TSHZ2: variants seen among roughly 807,000 people sequenced by gnomAD.
TSHZ2 encodes teashirt homolog 2.
Under a neutral mutation model 74.4 loss-of-function variants are expected in TSHZ2, and 21 were observed. The observed-to-expected ratio is 0.28, with a 90% CI of 0.20 to 0.41. The LOEUF is 0.41. TSHZ2 is among the 10% of genes least tolerant of loss of function. TSHZ2 has a pLI of 1.00. For missense variants in TSHZ2, 1,244 were observed against 1,293.5 expected (o/e 0.96, Z 0.59); for synonymous variants, 540 against 515.3 (o/e 1.05, Z -0.65).
intron 1 of TSHZ2, among the ~76,000 whole-genome samples, chr20:52,981,295 G>A (rs929011325): frequency 6.6e-5 from 10 of 152,144 alleles, no homozygotes; most frequent in African/African-American, 2.2e-4. Context: ...GTGAGTTTTT[G>A]GAGTCAGACT....
At position 53,375,947 on chromosome 20, in the gene TSHZ2, C is replaced by G. The variant is rs1462079093; in HGVS notation, c.*9-111197C>G. 2.6e-5 allele frequency among the ~76,000 whole-genome samples: 4 copies of G among 152,172 alleles called. No homozygotes were observed. In the East Asian group the frequency reaches 7.7e-4, roughly 29 times the overall value. On this transcript the variant is annotated intron_variant, in intron 2 of 2. Coordinates refer to ENST00000371497, the MANE Select transcript of TSHZ2 (RefSeq NM_173485.6). The stretch of plus-strand genomic sequence containing the variant: ...TCATACTCTAACAGGATAGGAAATA[C>G]TTATCAGATAAATACATAAACATTT...
At chr20:53,137,387 G>A (rs1987273974) in intron 1 of TSHZ2, among the ~76,000 whole-genome samples, 1 of 148,700 alleles carries the variant, frequency 6.7e-6, no homozygotes, top group Non-Finnish European at 1.5e-5. Flanking sequence ...CAAGAATTCA[G>A]CTCCTGCAGG....
Position 53,415,291 on chromosome 20 carries a change from C to T in TSHZ2, c.*9-71853C>T, listed in dbSNP as rs576716129. On this transcript the variant is annotated intron_variant, in intron 2 of 2. Transcript: ENST00000371497. The stretch of plus-strand genomic sequence containing the variant: ...TTCATCTTTGTAGTCTAATGAATGT[C>T]TTAAGAAATGCCAGTGGGAGAAAAA... Among the ~76,000 whole-genome samples, 6 of 152,270 alleles carry T rather than the reference C, an allele frequency of 3.9e-5. No individual in the cohort carries two copies. The South Asian group carries it at 1.2e-3, about 32-fold the overall frequency.
chr20:53,204,855 G>A (rs1292823111), intron 1 of TSHZ2, among the ~76,000 whole-genome samples: 1 of 152,058 alleles, frequency 6.6e-6, no homozygotes, highest in Non-Finnish European at 1.5e-5. Context: ...GCCGAGGCGG[G>A]CGGATCATGA....
At chr20:53,010,945 A>G (rs2122997993) in intron 1 of TSHZ2, among the ~76,000 whole-genome samples, 1 of 152,338 alleles carries the variant, frequency 6.6e-6, no homozygotes, top group Non-Finnish European at 1.5e-5. Context: ...TTGTCTCTGT[A>G]AGAGTTACTT....
At chr20:53,152,011 G>C (rs560181223) in intron 1 of TSHZ2, among the ~76,000 whole-genome samples, 1 of 152,030 alleles carries the variant, frequency 6.6e-6, no homozygotes, top group East Asian at 1.9e-4. Flanking sequence ...TCGAGGGCAA[G>C]GTTGCTGTAA....
intron 2 of TSHZ2, among the ~76,000 whole-genome samples, chr20:53,267,545 C>T (rs2123752106): frequency 6.6e-6 from 1 of 152,300 alleles, no homozygotes; most frequent in Admixed American, 6.5e-5. Context: ...CCTCACAGTC[C>T]ATGGCAGAGA....
intron 1 of TSHZ2, among the ~76,000 whole-genome samples, chr20:53,163,436 A>C (rs565073816): frequency 3.2e-4 from 29 of 90,082 alleles, no homozygotes; most frequent in Non-Finnish European, 5.7e-4. Flanking sequence ...AGAGCCTTTT[A>C]TTTTATTTTA....
At chr20:53,391,969 G>A (rs1037630670) in intron 2 of TSHZ2, among the ~76,000 whole-genome samples, 3 of 152,058 alleles carry the variant, frequency 2.0e-5, no homozygotes, top group Non-Finnish European at 2.9e-5. Context: ...AAAAGAATTA[G>A]TAATTTTACA....
At chr20:53,478,092 A>G (rs1025418437) in intron 2 of TSHZ2, among the ~76,000 whole-genome samples, 13 of 144,890 alleles carry the variant, frequency 9.0e-5, no homozygotes, top group Middle Eastern at 3.5e-3. Context: ...ACCATTGTGG[A>G]AGTCAGTGTG....
intron 2 of TSHZ2, among the ~76,000 whole-genome samples, chr20:53,377,558 T>C (rs1405913294): frequency 6.6e-6 from 1 of 152,186 alleles, no homozygotes; most frequent in Non-Finnish European, 1.5e-5. Context: ...GTTTATAAAC[T>C]TTATAAAAAC....
chr20:53,109,421 C>T lies in TSHZ2; in HGVS notation c.40+136088C>T, dbSNP rs74601592. 4.6e-3 allele frequency among the ~76,000 whole-genome samples: 699 copies of T among 152,258 alleles called. 4 individuals are homozygous for T. The highest frequency in any genetic ancestry group is 0.016 in the African/African-American group (666 of 41,550). ...CCTATCTCTCTCTTATCTTTCATTA[C>T]CAACCTCTTTGGAAGAGTCCTTCTC... On this transcript the variant is annotated intron_variant, in intron 1 of 2. Coordinates refer to ENST00000371497, the MANE Select transcript of TSHZ2 (RefSeq NM_173485.6).
intron 2 of TSHZ2, among the ~76,000 whole-genome samples, chr20:53,419,153 G>C (rs891862428): frequency 3.9e-5 from 6 of 152,184 alleles, no homozygotes; most frequent in Admixed American, 3.3e-4. Context: ...TTGTGGACCA[G>C]GTTGTTTTGT....
chr20:53,246,966 G>A (rs1990222054), intron 1 of TSHZ2, among the ~76,000 whole-genome samples: 1 of 151,998 alleles, frequency 6.6e-6, no homozygotes, highest in Non-Finnish European at 1.5e-5. Flanking sequence ...AAAATAGAGA[G>A]AGATTGTTGT....
chr20:53,016,411 G>C (rs1371168916), intron 1 of TSHZ2, among the ~76,000 whole-genome samples: 1 of 152,174 alleles, frequency 6.6e-6, no homozygotes, highest in Admixed American at 6.5e-5. Context: ...TTCAATTGGT[G>C]AGAATGACTC....
chr20:53,129,766 C>A (rs928176109), intron 1 of TSHZ2, among the ~76,000 whole-genome samples: 3 of 152,082 alleles, frequency 2.0e-5, no homozygotes, highest in Admixed American at 2.0e-4. Flanking sequence ...CTTCTCCCCT[C>A]CCGTGCCTTG....
chr20:53,409,834 C>CTTTTTTTTTTTTTTTTTTTTTTTT (rs71194475), intron 2 of TSHZ2, among the ~76,000 whole-genome samples: 2 of 49,336 alleles, frequency 4.1e-5, no homozygotes, highest in African/African-American at 1.7e-4. Context: ...GTTTTCTTTT[C>CTTTTTTTTTTTTTTTTTTTTTTTT]TTTTTTTTTT....
chr20:53,050,034 T>C (rs768341232), intron 1 of TSHZ2, among the ~76,000 whole-genome samples: 2 of 149,152 alleles, frequency 1.3e-5, no homozygotes, highest in African/African-American at 2.5e-5. Flanking sequence ...TGAGCTGAGA[T>C]TGTGCCACTG....
chr20:53,413,233 T>C (rs760413052), intron 2 of TSHZ2, among the ~76,000 whole-genome samples: 11 of 152,156 alleles, frequency 7.2e-5, no homozygotes, highest in Admixed American at 5.2e-4. Context: ...TGGCTGACCG[T>C]GGCAAGGCGC....
Sources: allele counts gnomAD v4.1 joint callset (sites outside exome capture counted in the v4.1 genomes callset), GRCh38; gene constraint gnomAD v4.1.1; transcripts MANE v1.5; gene names NCBI Gene and HGNC (gene_info 2026-07-23, HGNC 2026-07-21).